BPTF: variants seen among roughly 807,000 people sequenced by gnomAD.
The protein encoded by BPTF is nucleosome-remodeling factor subunit BPTF.
In BPTF, 18 loss-of-function variants were observed where a neutral mutation model predicts 292.5. The ratio of observed to expected loss-of-function variants is 0.06; its 90% CI spans 0.04 to 0.09. BPTF has a LOEUF of 0.09. BPTF is among the 10% of genes least tolerant of loss of function. BPTF has a pLI of 1.00. For synonymous variants in BPTF, 1,225 were observed against 1,251.9 expected (o/e 0.98, Z 0.45); for missense variants, 2,726 against 3,498.7 (o/e 0.78, Z 5.57).
chr17:67,926,094 A>G (rs1354784187), intron 15 of BPTF, among the ~76,000 whole-genome samples: 2 of 134,694 alleles, frequency 1.5e-5, no homozygotes, highest in Admixed American at 8.8e-5. Flanking sequence ...CACATTCTCA[A>G]TCTCCTGGGC....
At chr17:67,883,745 C>T (rs1434053794) in intron 4 of BPTF, among the ~76,000 whole-genome samples, 1 of 152,062 alleles carries the variant, frequency 6.6e-6, no homozygotes, top group African/African-American at 2.4e-5. Context: ...GGATTACAGG[C>T]GCCTGCCGCT....
At chr17:67,876,391 T>TG (rs918344861) in intron 4 of BPTF, among the ~76,000 whole-genome samples, 1 of 152,226 alleles carries the variant, frequency 6.6e-6, no homozygotes, top group African/African-American at 2.4e-5. Context: ...TGAGCTGTGT[T>TG]GCTGAAAACA....
At position 67,893,299 on chromosome 17, in the gene BPTF, G is replaced by C. The variant is rs1254452333; in HGVS notation, c.2056-71G>C. On this transcript the variant is annotated intron_variant, in intron 5 of 27. Coordinates refer to ENST00000306378, the MANE Select transcript of BPTF (RefSeq NM_182641.4). ...GAATGATTAATTTTAATTATTGAAA[G>C]ACAGTTGATTAGATGAAATTCACAT... 7 of 930,356 alleles carry C rather than the reference G, an allele frequency of 7.5e-6. No homozygotes were observed. The Admixed American group carries it at 1.1e-4, about 15-fold the overall frequency. 57.6% of individuals were successfully genotyped at this position (930,356 alleles called of 1,614,324 possible).
At chr17:67,866,435 A>G in intron 2 of BPTF, 29 bp from the exon 3 acceptor site, 1 of 1,509,394 alleles carries the variant, frequency 6.6e-7, no homozygotes, top group Non-Finnish European at 9.2e-7. Context: ...TGTCTAACAT[A>G]TAAAGTATTT....
chr17:67,879,884 C>T (rs1400325345), intron 4 of BPTF, among the ~76,000 whole-genome samples: 1 of 152,162 alleles, frequency 6.6e-6, no homozygotes, highest in Non-Finnish European at 1.5e-5. Context: ...CTTGAGGGAT[C>T]CGTCCCCAGA....
At chr17:67,840,940 A>G (rs2057506358) in intron 1 of BPTF, among the ~76,000 whole-genome samples, 1 of 152,174 alleles carries the variant, frequency 6.6e-6, no homozygotes, top group African/African-American at 2.4e-5. Flanking sequence ...TGATGTACAT[A>G]TATTTTCTCC....
chr17:67,863,432 A>G (rs1478787149), intron 2 of BPTF, among the ~76,000 whole-genome samples: 1 of 152,118 alleles, frequency 6.6e-6, no homozygotes, highest in Non-Finnish European at 1.5e-5. Flanking sequence ...CTACAGGCAC[A>G]TGCCACCATT....
intron 26 of BPTF, among the ~76,000 whole-genome samples, chr17:67,968,842 C>T (rs1278340798): frequency 6.6e-6 from 1 of 150,580 alleles, no homozygotes; most frequent in African/African-American, 2.5e-5. Context: ...ATTAGCCCGG[C>T]GTGGTGGCAC....
At chr17:67,948,041 G>T in intron 22 of BPTF, 40 bp from the exon 23 acceptor site, 1 of 1,570,454 alleles carries the variant, frequency 6.4e-7, no homozygotes, top group Non-Finnish European at 8.7e-7. Context: ...CTTTCAAAAT[G>T]AAACGCCCAG....
intron 3 of BPTF, among the ~76,000 whole-genome samples, chr17:67,871,319 G>A (rs941895486): frequency 5.9e-5 from 9 of 151,776 alleles, no homozygotes; most frequent in African/African-American, 2.2e-4. Context: ...GTGCACGCCT[G>A]CAATCCTAGC....
chr17:67,917,160 T>C (rs1193570694), intron 11 of BPTF, among the ~76,000 whole-genome samples: 3 of 138,692 alleles, frequency 2.2e-5, no homozygotes, highest in Non-Finnish European at 4.5e-5. Flanking sequence ...TGAGATAGAG[T>C]CTCACACTGC....
At position 67,978,309 on chromosome 17, in the gene BPTF, T is replaced by TA. The variant is rs1314812719; in HGVS notation, c.8726+2351_8726+2352insA. Among the ~76,000 whole-genome samples, 4 of 113,088 alleles carry TA rather than the reference T, an allele frequency of 3.5e-5. No homozygotes were observed. The East Asian group carries it at 1.0e-3, about 30-fold the overall frequency. The allele number at this position is 113,088 out of a possible 152,430, so 74.2% of individuals were successfully genotyped here. A position where few individuals can be genotyped will look rare whatever the true frequency, so the allele number is the denominator to read the frequency against. ...CCAGAAATATATATATATATATATA[T>TA]TTTTTTTGAGACAGAGTCTCACTCT... is the stretch of plus-strand genomic sequence containing the variant. On this transcript the variant is annotated intron_variant, in intron 27 of 27. Coordinates refer to ENST00000306378, the MANE Select transcript of BPTF (RefSeq NM_182641.4).
chr17:67,880,944 A>G (rs901077825), intron 4 of BPTF, among the ~76,000 whole-genome samples: 1 of 105,480 alleles, frequency 9.5e-6, no homozygotes, highest in South Asian at 3.3e-4. Flanking sequence ...GGGTGTATGT[A>G]TATTATATAT....
Position 67,907,185 on chromosome 17 carries a change from C to CAA in BPTF, c.2812+2360_2812+2361dup, listed in dbSNP as rs34520139. 3.1e-3 allele frequency among the ~76,000 whole-genome samples: 286 copies of CAA among 92,754 alleles called. 1 individual carries two copies. The highest frequency in any genetic ancestry group is 4.3e-3 in the Non-Finnish European group (189 of 44,428). 60.9% of individuals were successfully genotyped at this position (92,754 alleles called of 152,430 possible). A position where few individuals can be genotyped will look rare whatever the true frequency, so the allele number is the denominator to read the frequency against. On this transcript the variant is annotated intron_variant, in intron 9 of 27. Transcript: ENST00000306378. ...GGGTGACAGAGCAAGACACTGTCTCCAAAAAAAAAAAAAAAACCTTTAAGT... is the reference window on the plus strand; with the variant it reads ...GGGTGACAGAGCAAGACACTGTCTCCAAAAAAAAAAAAAAAAAACCTTTAAGT...
At chr17:67,851,320 T>C (rs2058389140) in intron 1 of BPTF, among the ~76,000 whole-genome samples, 1 of 147,904 alleles carries the variant, frequency 6.8e-6, no homozygotes, top group Non-Finnish European at 1.5e-5. Flanking sequence ...TAGACTGAAA[T>C]AGAGATTTCT....
chr17:67,971,710 A>C (rs981487526), intron 26 of BPTF, among the ~76,000 whole-genome samples: 1 of 151,698 alleles, frequency 6.6e-6, no homozygotes, highest in Non-Finnish European at 1.5e-5. Flanking sequence ...AAGCTGAGTC[A>C]GGAGAATTGC....
At chr17:67,855,617 C>A (rs192296560) in intron 2 of BPTF, among the ~76,000 whole-genome samples, 1 of 152,052 alleles carries the variant, frequency 6.6e-6, no homozygotes, top group Non-Finnish European at 1.5e-5. Flanking sequence ...AGCCTGTGGG[C>A]GAGGTCAGGA....
At chr17:67,957,943 G>A (rs571168473) in intron 23 of BPTF, among the ~76,000 whole-genome samples, 2 of 152,292 alleles carry the variant, frequency 1.3e-5, no homozygotes, top group African/African-American at 4.8e-5. Context: ...TGTTCCTAGG[G>A]TAATAAGGTT....
chr17:67,837,287 GTAGGGTAGATTCC>G (rs1305299105), intron 1 of BPTF, among the ~76,000 whole-genome samples: 1 of 152,206 alleles, frequency 6.6e-6, no homozygotes. Context: ...TGGTGTTTCT[GTAGGGTAGATTCC>G]TAGGACTGGG....
Sources: gnomAD v4.1 joint callset for allele counts (sites outside exome capture counted in the v4.1 genomes callset) on GRCh38, gnomAD v4.1.1 for gene constraint, MANE v1.5 for transcripts, NCBI Gene and HGNC (gene_info 2026-07-23, HGNC 2026-07-21) for gene names.